COL10A1: variants seen among roughly 807,000 people sequenced by gnomAD.
The protein encoded by COL10A1 is collagen type X alpha 1 chain.
In COL10A1, 10 loss-of-function variants were observed where a neutral mutation model predicts 18.2. That is an observed-to-expected ratio of 0.55 (90% CI 0.34 to 0.93). COL10A1 has a LOEUF of 0.93. COL10A1 is among the 40% of genes least tolerant of loss of function. COL10A1 has a pLI of 0.02. For missense variants in COL10A1, 897 were observed against 853.5 expected (o/e 1.05, Z -0.64); for synonymous variants, 330 against 316.6 (o/e 1.04, Z -0.45).
upstream of COL10A1, among the ~76,000 whole-genome samples, chr6:116,161,815 G>A (rs1254841329): frequency 6.6e-6 from 1 of 152,048 alleles, no homozygotes; most frequent in Non-Finnish European, 1.5e-5. Context: ...AGATTGCTTT[G>A]GGCAGTATAG....
chr6:116,124,216 T>G (rs1484960102), intron 2 of COL10A1, among the ~76,000 whole-genome samples: 1 of 152,146 alleles, frequency 6.6e-6, no homozygotes, highest in Non-Finnish European at 1.5e-5. Flanking sequence ...CTCAAAATGG[T>G]TGTTCCCAAA....
At chr6:116,175,708 C>T in the COL10A1 span, among the ~76,000 whole-genome samples, 1 of 152,152 alleles carries the variant, frequency 6.6e-6, no homozygotes, top group African/African-American at 2.4e-5. Context: ...AGCTGATGAA[C>T]ACACCAAAGT....
the COL10A1 span, among the ~76,000 whole-genome samples, chr6:116,193,687 T>C: frequency 6.6e-6 from 1 of 152,092 alleles, no homozygotes; most frequent in Admixed American, 6.6e-5. Flanking sequence ...TTTCAAAGCG[T>C]GCTTTAATTT....
chr6:116,171,190 T>G, the COL10A1 span, among the ~76,000 whole-genome samples: 1 of 152,218 alleles, frequency 6.6e-6, no homozygotes, highest in East Asian at 1.9e-4. Flanking sequence ...CCACTTATAT[T>G]ATTGTCACCA....
Position 116,125,528 on chromosome 6 carries a change from A to G in COL10A1, c.-15-21T>C. On this transcript the variant is annotated intron_variant, in intron 1 of 2. Coordinates refer to ENST00000651968, the MANE Select transcript of COL10A1 (RefSeq NM_000493.4). ...GGATTCTGAAAAACAGAAAAGAATAACTTTATACAGCATTGTTATTAACCT... is the reference window on the plus strand; with the variant it reads ...GGATTCTGAAAAACAGAAAAGAATAGCTTTATACAGCATTGTTATTAACCT... 4 of 1,607,180 alleles carry G rather than the reference A, an allele frequency of 2.5e-6. No homozygotes were observed. The South Asian group carries it at 4.4e-5, about 18-fold the overall frequency.
chr6:116,183,119 G>A, the COL10A1 span, among the ~76,000 whole-genome samples: 1 of 151,974 alleles, frequency 6.6e-6, no homozygotes, highest in Non-Finnish European at 1.5e-5. Flanking sequence ...TGCACCATTT[G>A]TTGAATAGGG....
At chr6:116,177,280 T>C in the COL10A1 span, among the ~76,000 whole-genome samples, 1 of 152,198 alleles carries the variant, frequency 6.6e-6, no homozygotes, top group African/African-American at 2.4e-5. Flanking sequence ...TGACATACTT[T>C]TCAATTAACT....
At chr6:116,127,557 T>G (rs575367866), upstream of COL10A1, among the ~76,000 whole-genome samples, 2 of 152,316 alleles carry the variant, frequency 1.3e-5, no homozygotes, top group South Asian at 2.1e-4. Context: ...CTCTGCTACA[T>G]CTGTAGGAGA....
At chr6:116,151,769 A>C (rs1179601558) in intron 1 of COL10A1, among the ~76,000 whole-genome samples, 1 of 152,200 alleles carries the variant, frequency 6.6e-6, no homozygotes, top group African/African-American at 2.4e-5. Flanking sequence ...TTAGTCTACC[A>C]CAGCAAATAA....
chr6:116,171,523 T>G, the COL10A1 span, among the ~76,000 whole-genome samples: 1 of 152,224 alleles, frequency 6.6e-6, no homozygotes, highest in Non-Finnish European at 1.5e-5. Context: ...AAGACTTGTT[T>G]AAACCATATG....
chr6:116,203,025 T>C, the COL10A1 span, among the ~76,000 whole-genome samples: 1 of 152,014 alleles, frequency 6.6e-6, no homozygotes, highest in Admixed American at 6.6e-5. Context: ...AAATTTAATT[T>C]AATACACAAA....
At chr6:116,165,421 A>G in the COL10A1 span, among the ~76,000 whole-genome samples, 1 of 152,192 alleles carries the variant, frequency 6.6e-6, no homozygotes. Context: ...CTTTCTACCA[A>G]TATGTTTTCC....
chr6:116,196,406 C>T, the COL10A1 span, among the ~76,000 whole-genome samples: 2 of 152,056 alleles, frequency 1.3e-5, no homozygotes, highest in Admixed American at 1.3e-4. Context: ...CCAGTTTTAC[C>T]TAATAGCATT....
the COL10A1 span, among the ~76,000 whole-genome samples, chr6:116,209,006 T>C: frequency 1.9e-4 from 29 of 152,164 alleles, no homozygotes; most frequent in African/African-American, 6.7e-4. Context: ...CAAATCATTT[T>C]GTAATATTCA....
chr6:116,140,004 A>T (rs1779724925), intron 1 of COL10A1, among the ~76,000 whole-genome samples: 1 of 152,090 alleles, frequency 6.6e-6, no homozygotes, highest in South Asian at 2.1e-4. Context: ...TCCAGAAGAG[A>T]CTTACGTGAT....
At chr6:116,182,660 G>A in the COL10A1 span, among the ~76,000 whole-genome samples, 1 of 151,922 alleles carries the variant, frequency 6.6e-6, no homozygotes, top group Admixed American at 6.6e-5. Flanking sequence ...TTTGTTACAT[G>A]TTTGTTGTCC....
At chr6:116,140,314 T>G (rs471766) in intron 1 of COL10A1, among the ~76,000 whole-genome samples, 3 of 151,950 alleles carry the variant, frequency 2.0e-5, no homozygotes, top group Non-Finnish European at 4.4e-5. Context: ...TTAGCTAATA[T>G]ACTTTCTCAG....
At chr6:116,147,309 G>A (rs377363584) in intron 1 of COL10A1, among the ~76,000 whole-genome samples, 36 of 152,126 alleles carry the variant, frequency 2.4e-4, no homozygotes, top group African/African-American at 7.2e-4. Flanking sequence ...GGGCGTGGTG[G>A]CATCTACCTG....
intron 1 of COL10A1, among the ~76,000 whole-genome samples, chr6:116,131,301 C>T (rs1043677486): frequency 2.0e-5 from 3 of 152,134 alleles, no homozygotes; most frequent in Admixed American, 2.0e-4. Flanking sequence ...GAAGGGTAGC[C>T]TCTGTTACTG....
Sources: gnomAD v4.1 joint callset for allele counts (sites outside exome capture counted in the v4.1 genomes callset) on GRCh38, gnomAD v4.1.1 for gene constraint, MANE v1.5 for transcripts, NCBI Gene and HGNC (gene_info 2026-07-23, HGNC 2026-07-21) for gene names.